The following SELP variants were observed in gnomAD, a reference collection of about 807,000 sequenced individuals.
SELP encodes P-selectin.
Under a neutral mutation model 104.1 loss-of-function variants are expected in SELP, and 92 were observed. The ratio of observed to expected loss-of-function variants is 0.88; its 90% CI spans 0.75 to 1.05. SELP has a LOEUF of 1.05. Ranked by LOEUF, SELP falls within the 50% of genes least tolerant of loss-of-function variation. The probability of loss-of-function intolerance (pLI) is 0.00; values close to 1 mark genes in which losing one functional copy is unlikely to be tolerated. For missense variants in SELP, 1,022 were observed against 1,017.3 expected (o/e 1.00, Z -0.06); for synonymous variants, 397 against 364.5 (o/e 1.09, Z -1.01).
Position 169,596,967 on chromosome 1 carries a change from G to A in SELP, c.1891+24C>T, listed in dbSNP as rs1440790449. The stretch of plus-strand genomic sequence containing the variant: ...AGAATAAATTTCCAAAAGTAGAACT[G>A]TCTTAGCAAGTACATATTATTACCT... On this transcript the variant is annotated intron_variant, in intron 11 of 16. Transcript: ENST00000263686. The A allele has an allele frequency of 9.4e-6, 15 of 1,589,488 alleles. No homozygotes were observed. In the South Asian group the frequency reaches 1.7e-4, roughly 18 times the overall value.
At chr1:169,616,529 C>A (rs1421458189) in intron 3 of SELP, among the ~76,000 whole-genome samples, 1 of 152,126 alleles carries the variant, frequency 6.6e-6, no homozygotes, top group African/African-American at 2.4e-5. Context: ...GAGCAAATGA[C>A]ACATGAACTA....
In SELP at chr1:169,607,143, T is replaced by A. The variant is rs1662244211; in HGVS notation, c.1334-9A>T. On this transcript the variant is annotated splice_polypyrimidine_tract_variant and intron_variant, in intron 8 of 16. Transcript: ENST00000263686. The stretch of plus-strand genomic sequence containing the variant: ...ATCCTGGCACTGCAAAGCTAAGGGA[T>A]GAGGAAGTAAGGAATAAAGAAACAG... The A allele has an allele frequency of 6.3e-7, 1 of 1,583,948 alleles. No homozygotes were observed. The highest frequency in any genetic ancestry group is 8.6e-7 in the Non-Finnish European group (1 of 1,158,868).
chr1:169,611,996 T>C (rs1235905621), intron 6 of SELP, among the ~76,000 whole-genome samples: 2 of 152,154 alleles, frequency 1.3e-5, no homozygotes, highest in Non-Finnish European at 2.9e-5. Context: ...AAATTATGAA[T>C]GAGGCCATTC....
In SELP at chr1:169,611,563, C is replaced by G; in HGVS notation, c.1076G>C (p.Arg359Thr). ...GCGGAGCATGTCCAAGCCCCTCACT[C>G]TGTAGCCGGGCTGGCACTCAAATTT... The part of the protein sequence containing the change: ...SCKFECQPGY[R>T]VRGLDMLRCI... Residue 359 changes from arginine to threonine, a missense_variant, in exon 7 of 17, where the codon AGA becomes ACA. Transcript: ENST00000263686. The G allele has an allele frequency of 6.2e-7, 1 of 1,614,154 alleles. No homozygotes were observed. The highest frequency in any genetic ancestry group is 8.5e-7 in the Non-Finnish European group (1 of 1,180,016).
chr1:169,591,707 A>C (rs1263733933), intron 14 of SELP: 2 of 306,804 alleles, frequency 6.5e-6, no homozygotes, highest in Non-Finnish European at 1.2e-5. Context: ...AAATACATAA[A>C]TCAATTTCTT....
In SELP at chr1:169,612,405, A is replaced by G. The variant is rs1174469983; in HGVS notation, c.776-3T>C. The G allele has an allele frequency of 2.5e-6, 4 of 1,613,784 alleles. No individual in the cohort carries two copies. Among genetic ancestry groups the G allele is most frequent in the Admixed American group, 1.7e-5 (1 of 59,982 alleles). On this transcript the variant is annotated splice_region_variant and splice_polypyrimidine_tract_variant and intron_variant, in intron 5 of 16. Transcript: ENST00000263686. The stretch of plus-strand genomic sequence containing the variant: ...CTTCAGGGGTGGGCACTGGGCAGCT[A>G]AAACCAACCACAGAATAATAGTGTG...
intron 10 of SELP, among the ~76,000 whole-genome samples, chr1:169,599,358 C>A (rs201849166): frequency 1.0e-3 from 148 of 143,216 alleles, no homozygotes; most frequent in African/African-American, 1.5e-3. Context: ...AAAACTTTGG[C>A]AAAAAAAAAA....
At chr1:169,624,990 G>A (rs1308290689) in intron 1 of SELP, among the ~76,000 whole-genome samples, 4 of 152,036 alleles carry the variant, frequency 2.6e-5, no homozygotes, top group Admixed American at 6.6e-5. Context: ...TTAGAAAGGC[G>A]GAATCAAACA....
chr1:169,600,915 T>C (rs1661877950), intron 10 of SELP, among the ~76,000 whole-genome samples: 1 of 152,036 alleles, frequency 6.6e-6, no homozygotes, highest in African/African-American at 2.4e-5. Context: ...ATGGTCAGGG[T>C]TGGGTCTTGA....
intron 3 of SELP, among the ~76,000 whole-genome samples, chr1:169,616,618 G>C (rs59251103): frequency 6.6e-6 from 1 of 152,092 alleles, no homozygotes; most frequent in African/African-American, 2.4e-5. Flanking sequence ...TAGGGGCAGG[G>C]CTAAATTTCC....
chr1:169,629,432 A>T (rs1023585466), intron 1 of SELP, among the ~76,000 whole-genome samples: 1 of 152,220 alleles, frequency 6.6e-6, no homozygotes, highest in African/African-American at 2.4e-5. Context: ...TTTAATCCTC[A>T]TGATGAAACT....
In SELP at chr1:169,609,686, A is replaced by G. The variant is rs1323782222; in HGVS notation, c.1151T>C (p.Ile384Thr). The change falls in exon 8 of 17, where the codon ATT becomes ACT. Residue 384 changes from isoleucine (I) to threonine (T), a missense_variant. Transcript: ENST00000263686. Reference sequence around the variant, plus strand: ...AGGACTCTCCAGCGGCTCACACGAAATAGCTAAGTGGAAAAGGTATCTTCT... The same window carrying G: ...AGGACTCTCCAGCGGCTCACACGAAGTAGCTAAGTGGAAAAGGTATCTTCT... Reference protein sequence around the residue: ...WSAPLPTCEAISCEPLESPVH... With the variant: ...WSAPLPTCEATSCEPLESPVH... The G allele has an allele frequency of 1.2e-6, 2 of 1,608,406 alleles. No homozygotes were observed. The highest frequency in any genetic ancestry group is 2.7e-5 in the African/African-American group (2 of 74,570).
intron 12 of SELP, 29 bp from the exon 13 acceptor site, chr1:169,594,906 C>G: frequency 4.4e-6 from 7 of 1,591,580 alleles, no homozygotes; most frequent in South Asian, 1.1e-5. Flanking sequence ...GCAAGAGAAA[C>G]AACATGTGGA....
intron 3 of SELP, among the ~76,000 whole-genome samples, chr1:169,615,812 A>G (rs1452520358): frequency 6.6e-6 from 1 of 152,204 alleles, no homozygotes; most frequent in Non-Finnish European, 1.5e-5. Context: ...GACAATGTAG[A>G]AGGCTTGCTT....
Position 169,608,470 on chromosome 1 carries a change from T to C in SELP, c.1333+1034A>G, listed in dbSNP as rs3917745. Among the ~76,000 whole-genome samples the C allele has an allele frequency of 8.9e-3, 1,354 of 152,246 alleles. 30 individuals carry two copies. The highest frequency in any genetic ancestry group is 0.031 in the African/African-American group (1,276 of 41,514). Reference sequence around the variant, plus strand: ...AGTGGAATCATACAGTATTTGTCCTTTCATAGTGGCTTATTTCACTTAGCA... The same window carrying C: ...AGTGGAATCATACAGTATTTGTCCTCTCATAGTGGCTTATTTCACTTAGCA... On this transcript the variant is annotated intron_variant, in intron 8 of 16. Transcript: ENST00000263686.
chr1:169,605,088 C>CAAGG (rs1662115486), intron 9 of SELP, among the ~76,000 whole-genome samples: 4 of 152,170 alleles, frequency 2.6e-5, no homozygotes, highest in African/African-American at 7.2e-5. Flanking sequence ...TGCTGTGAAA[C>CAAGG]ACCCAGAGGC....
chr1:169,590,542 G>A (rs3917849), intron 15 of SELP, among the ~76,000 whole-genome samples: 1,907 of 150,672 alleles, frequency 0.013, 39 homozygotes, highest in African/African-American at 0.039. Context: ...GTTTTCAAAG[G>A]GTGCAATATG....
intron 1 of SELP, among the ~76,000 whole-genome samples, chr1:169,619,978 G>T (rs1036842543): frequency 3.3e-5 from 5 of 151,884 alleles, no homozygotes; most frequent in African/African-American, 9.7e-5. Context: ...TGAGGTGGGC[G>T]GATCATGAGG....
At chr1:169,617,463 G>A in intron 2 of SELP, 49 bp from the exon 3 acceptor site, 1 of 1,573,286 alleles carries the variant, frequency 6.4e-7, no homozygotes, top group African/African-American at 1.4e-5. Flanking sequence ...CACCAAAAAA[G>A]AGGCCGTGAT....
Sources: gnomAD v4.1 joint callset for allele counts (sites outside exome capture counted in the v4.1 genomes callset) on GRCh38, gnomAD v4.1.1 for gene constraint, MANE v1.5 for transcripts, NCBI Gene and HGNC (gene_info 2026-07-23, HGNC 2026-07-21) for gene names.